The following EEF1G variants were observed in gnomAD, a reference collection of about 807,000 sequenced individuals.
EEF1G encodes eukaryotic translation elongation factor 1 gamma.
A neutral mutation model predicts 58.3 loss-of-function variants in EEF1G; 14 were observed. The ratio of observed to expected loss-of-function variants is 0.24; its 90% confidence interval spans 0.16 to 0.38. The LOEUF is 0.38. EEF1G is among the 10% of genes least tolerant of loss of function. The pLI, the probability that EEF1G is intolerant of heterozygous loss-of-function variation, is 1.00. For missense variants in EEF1G, 322 were observed against 550.1 expected, an observed-to-expected ratio of 0.59 and a Z score of 4.15; for synonymous variants, 180 against 206.8, an observed-to-expected ratio of 0.87 and a Z score of 1.11.
Position 62,573,863 on chromosome 11 carries a change from G to C in EEF1G, c.-21C>G, listed in dbSNP as rs370202672. 2 of 1,613,742 alleles carry C rather than the reference G, an allele frequency of 1.2e-6. No homozygotes were observed. The highest frequency in any genetic ancestry group is 1.7e-6 in the Non-Finnish European group (2 of 1,179,858). ...GCCATGGTGATTCCGCAAAGAAAGG[G>C]GGTGGGGTTCTCGGCGCTGCCGCAA... On this transcript the variant is annotated 5_prime_UTR_variant, in exon 1 of 10. Coordinates refer to ENST00000329251, the MANE Select transcript of EEF1G (RefSeq NM_001404.5).
chr11:62,566,775 T>A, intron 7 of EEF1G, 31 bp downstream of exon 7: 2 of 1,609,530 alleles, frequency 1.2e-6, no homozygotes, highest in Non-Finnish European at 1.7e-6. Flanking sequence ...CCTTCTTTGG[T>A]CCCACACCCT....
chr11:62,572,821 T>A lies in EEF1G; in HGVS notation c.13-79A>T, dbSNP rs547276297. 2.5e-4 allele frequency: 350 copies of A among 1,376,288 alleles called. 2 individuals are homozygous for A. The highest frequency in any genetic ancestry group is 9.8e-4 in the South Asian group (73 of 74,266). The allele number at this position is 1,376,288 out of a possible 1,614,324, so 85.3% of individuals were successfully genotyped here. On this transcript the variant is annotated intron_variant, in intron 1 of 9. Transcript: ENST00000329251. ...ATGCCACTCTCCAGGATGACTTTCC[T>A]GAATAATCCCAATGTATTCAACTCA... is the stretch of plus-strand genomic sequence containing the variant.
chr11:62,568,152 C>T (rs1011290781), intron 5 of EEF1G, among the ~76,000 whole-genome samples: 3 of 150,836 alleles, frequency 2.0e-5, no homozygotes, highest in Non-Finnish European at 3.0e-5. Flanking sequence ...GGCGTGAACC[C>T]GGGAGGCGGA....
chr11:62,565,215 T>G (rs1941542793), intron 7 of EEF1G, among the ~76,000 whole-genome samples: 1 of 152,046 alleles, frequency 6.6e-6, no homozygotes. Flanking sequence ...TAGTGAGACC[T>G]AGTCTCTACA....
chr11:62,561,720 T>C (rs1941499570), intron 7 of EEF1G, among the ~76,000 whole-genome samples: 1 of 150,688 alleles, frequency 6.6e-6, no homozygotes, highest in South Asian at 2.1e-4. Context: ...CATATATGTG[T>C]GTGTGCATAC....
intron 5 of EEF1G, 105 bp downstream of exon 5, chr11:62,570,860 C>A (rs1941619028): frequency 1.3e-6 from 2 of 1,495,022 alleles, no homozygotes; most frequent in East Asian, 4.5e-5. Context: ...CCACCTCTAG[C>A]TGTTTTCCAA....
At chr11:62,569,008 A>G (rs1292850486) in intron 5 of EEF1G, among the ~76,000 whole-genome samples, 1 of 151,890 alleles carries the variant, frequency 6.6e-6, no homozygotes, top group African/African-American at 2.4e-5. Context: ...ACAGAGGGCT[A>G]TCGAGGACTT....
intron 1 of EEF1G, 147 bp downstream of exon 1, chr11:62,573,684 G>A: frequency 4.3e-6 from 5 of 1,175,664 alleles, no homozygotes; most frequent in Non-Finnish European, 4.9e-6. Context: ...CAGGCCCTAG[G>A]AACCCTACTC....
chr11:62,563,241 C>G (rs1201532842), intron 7 of EEF1G, among the ~76,000 whole-genome samples: 14 of 152,050 alleles, frequency 9.2e-5, no homozygotes, highest in Non-Finnish European at 2.1e-4. Flanking sequence ...ATTCTCCTGC[C>G]TCAGCCTCCT....
At chr11:62,561,384 GA>G (rs376125388) in intron 7 of EEF1G, among the ~76,000 whole-genome samples, 2 of 146,804 alleles carry the variant, frequency 1.4e-5, no homozygotes, top group African/African-American at 5.0e-5. Flanking sequence ...TGTCTGGGGG[GA>G]AAAAAAAGGA....
chr11:62,559,808 C>T lies in EEF1G; in HGVS notation c.1185G>A (p.Glu395=). ...GATCCAGTTTCCGCCATGTGTATGA[C>T]TCGTAGTCCACCTGCCAATCTGGAC... The part of the protein sequence containing the change: ...PLSPDWQVDY[E]SYTWRKLDPG... Residue 395 remains glutamate (E), a synonymous_variant, in exon 10 of 10, where the codon GAG becomes GAA. Coordinates refer to ENST00000329251, the MANE Select transcript of EEF1G (RefSeq NM_001404.5). 3 of 1,613,984 alleles carry T rather than the reference C, an allele frequency of 1.9e-6. No homozygotes were observed. The South Asian group carries it at 3.3e-5, about 18-fold the overall frequency.
chr11:62,563,326 GGTATTTTTACCGT>G (rs1436695859), intron 7 of EEF1G, among the ~76,000 whole-genome samples: 1 of 151,872 alleles, frequency 6.6e-6, no homozygotes, highest in Non-Finnish European at 1.5e-5. Context: ...TAGTAGAGAC[GGTATTTTTACCGT>G]GTTAGCCAGG....
At chr11:62,573,658 A>T in intron 1 of EEF1G, 173 bp downstream of exon 1, 1 of 911,746 alleles carries the variant, frequency 1.1e-6, no homozygotes, top group South Asian at 1.5e-5. Context: ...CGAGAGCCCC[A>T]GCCTCAGTTC....
intron 1 of EEF1G, 79 bp downstream of exon 1, chr11:62,573,747 ACTCCT>A: frequency 6.3e-7 from 1 of 1,589,792 alleles, no homozygotes; most frequent in Non-Finnish European, 8.6e-7. Flanking sequence ...CAACCTCAGA[ACTCCT>A]CTGGCGCCGA....
At chr11:62,568,741 G>A (rs1056347363) in intron 5 of EEF1G, among the ~76,000 whole-genome samples, 19 of 152,122 alleles carry the variant, frequency 1.2e-4, no homozygotes, top group African/African-American at 4.6e-4. Context: ...GGGAGGCCGA[G>A]GCGGGCAGAT....
chr11:62,572,027 T>C, intron 2 of EEF1G, 126 bp from the exon 3 acceptor site: 1 of 812,376 alleles, frequency 1.2e-6, no homozygotes. Context: ...AAACTCTTGA[T>C]ACTCAAGAAC....
rs58533891 is a variant in EEF1G, at chr11:62,569,085, GCACACA to G, written c.523-1563_523-1558del. On this transcript the variant is annotated intron_variant, in intron 5 of 9. Transcript: ENST00000329251. ...TATATTGGCCATACTATACACACAC[GCACACA>G]CACACACACACCCCCCACACCCACC... 1.7e-4 allele frequency among the ~76,000 whole-genome samples: 25 copies of G among 149,356 alleles called. No individual in the cohort carries two copies. The East Asian group carries it at 4.5e-3, about 27-fold the overall frequency.
Position 62,560,185 on chromosome 11 carries a change from G to A in EEF1G, c.1039C>T (p.Gln347Ter). 6.2e-7 allele frequency: 1 copy of A among 1,614,048 alleles called. No individual in the cohort carries two copies. The highest frequency in any genetic ancestry group is 1.1e-5 in the South Asian group (1 of 91,084). ...TTCTTCCTCAGCTTGTCCAGTCGCT[G>A]GAACATTCCTGAAGCGGCAAGGGAG... ...MSCNLITGMFQRLDKLRKNAF... is the reference protein window; with the variant it reads ...MSCNLITGMF The change falls in exon 9 of 10, where the codon CAG becomes TAG. Residue 347 changes from glutamine to a stop codon, truncating the protein, a stop_gained. Coordinates refer to ENST00000329251, the MANE Select transcript of EEF1G (RefSeq NM_001404.5). LOFTEE classifies it high-confidence loss of function.
rs776348980 is a variant in EEF1G, at chr11:62,567,106, G to A, written c.653-96C>T. ...AGCAAGCAAGGTAACAGAGGAAACT[G>A]ACGAATGGGACAAGTAAGGAACTTA... On this transcript the variant is annotated intron_variant, in intron 6 of 9. Transcript: ENST00000329251. 7 of 1,332,984 alleles carry A rather than the reference G, an allele frequency of 5.3e-6. No individual in the cohort carries two copies. The African/African-American group carries it at 5.9e-5, about 11-fold the overall frequency. The allele number at this position is 1,332,984 out of a possible 1,614,324, so 82.6% of individuals were successfully genotyped here. A position where few individuals can be genotyped will look rare whatever the true frequency, so the allele number is the denominator to read the frequency against.
Sources: gnomAD v4.1 joint callset for allele counts (sites outside exome capture counted in the v4.1 genomes callset) on GRCh38, gnomAD v4.1.1 for gene constraint, MANE v1.5 for transcripts, NCBI Gene and HGNC (gene_info 2026-07-23, HGNC 2026-07-21) for gene names.